Variants in GRIK1 observed in about 807,000 individuals in gnomAD.
The protein encoded by GRIK1 is glutamate receptor ionotropic, kainate 1.
In GRIK1, 69 loss-of-function variants were observed where a neutral mutation model predicts 105.7. That is an observed-to-expected ratio of 0.65 (90% CI 0.54 to 0.80). The LOEUF (loss-of-function observed/expected upper bound fraction) is 0.80. Among genes scored for constraint, GRIK1 ranks in the 30% least tolerant of loss-of-function variants. The pLI is 0.00. For synonymous variants in GRIK1, 438 were observed against 431.3 expected (o/e 1.02, Z -0.19); for missense variants, 1,109 against 1,167.3 (o/e 0.95, Z 0.73).
At chr21:29,791,396 G>C (rs540521559) in intron 1 of GRIK1, among the ~76,000 whole-genome samples, 2 of 152,174 alleles carry the variant, frequency 1.3e-5, no homozygotes, top group East Asian at 3.9e-4. Flanking sequence ...GAGTGGAGTC[G>C]TTCCTGTGGT....
intron 6 of GRIK1, among the ~76,000 whole-genome samples, chr21:29,644,956 G>T (rs75837882): frequency 6.6e-6 from 1 of 152,188 alleles, no homozygotes; most frequent in Non-Finnish European, 1.5e-5. Context: ...CCAAACTCAT[G>T]GGGGGACAGG....
At chr21:29,543,425 CT>C (rs1834659876) in intron 16 of GRIK1, among the ~76,000 whole-genome samples, 1 of 152,156 alleles carries the variant, frequency 6.6e-6, no homozygotes, top group African/African-American at 2.4e-5. Flanking sequence ...TCATCTCTCA[CT>C]AATTATGTGA....
intron 7 of GRIK1, among the ~76,000 whole-genome samples, chr21:29,623,473 G>A (rs1371455302): frequency 2.6e-5 from 4 of 151,810 alleles, no homozygotes; most frequent in Non-Finnish European, 5.9e-5. Flanking sequence ...ATAGGAAGCT[G>A]AATTTCAGGC....
At chr21:29,613,853 C>T (rs1311442193) in intron 7 of GRIK1, among the ~76,000 whole-genome samples, 3 of 152,118 alleles carry the variant, frequency 2.0e-5, no homozygotes. Flanking sequence ...TATTGGATCC[C>T]ATAACCCTAT....
intron 1 of GRIK1, among the ~76,000 whole-genome samples, chr21:29,819,070 T>A (rs1291075838): frequency 6.6e-6 from 1 of 152,130 alleles, no homozygotes; most frequent in South Asian, 2.1e-4. Flanking sequence ...TTAGGCCTCA[T>A]GTATGTACAT....
At chr21:29,904,890 C>T (rs1418361026) in intron 1 of GRIK1, among the ~76,000 whole-genome samples, 1 of 152,146 alleles carries the variant, frequency 6.6e-6, no homozygotes, top group Non-Finnish European at 1.5e-5. Context: ...CAAAATTCCT[C>T]CTGCCTCCCA....
intron 7 of GRIK1, among the ~76,000 whole-genome samples, chr21:29,607,289 A>G (rs950963276): frequency 6.6e-6 from 1 of 151,988 alleles, no homozygotes; most frequent in African/African-American, 2.4e-5. Flanking sequence ...GGAAATGACA[A>G]CCAACCTTTC....
rs56017389 is a variant in GRIK1, at chr21:29,712,083, TACACACACACACACAC to T, written c.119-18036_119-18021del. Among the ~76,000 whole-genome samples, 69 of 135,368 alleles carry T rather than the reference TACACACACACACACAC, an allele frequency of 5.1e-4. No homozygotes were observed. The East Asian group carries it at 0.014, about 27-fold the overall frequency. The allele number at this position is 135,368 out of a possible 152,430, so 88.8% of individuals were successfully genotyped here. ...GTATATAAGTATATGTATACATACATACACACACACACACACACACACACACACACACACACACACA... is the reference window on the plus strand; with the variant it reads ...GTATATAAGTATATGTATACATACATACACACACACACACACACACACACA... On this transcript the variant is annotated intron_variant, in intron 1 of 17. Transcript: ENST00000327783.
chr21:29,542,465 G>C (rs1259461769), intron 16 of GRIK1, among the ~76,000 whole-genome samples: 1 of 152,092 alleles, frequency 6.6e-6, no homozygotes, highest in East Asian at 1.9e-4. Flanking sequence ...AGTTCTATTT[G>C]TTTTGTACCT....
chr21:29,879,984 T>C (rs185275575), intron 1 of GRIK1, among the ~76,000 whole-genome samples: 4 of 152,292 alleles, frequency 2.6e-5, no homozygotes, highest in African/African-American at 7.2e-5. Flanking sequence ...ATGCAATTGT[T>C]ACAGTAATAG....
chr21:29,863,694 A>T (rs549555410), intron 1 of GRIK1, among the ~76,000 whole-genome samples: 1 of 152,148 alleles, frequency 6.6e-6, no homozygotes, highest in South Asian at 2.1e-4. Flanking sequence ...AAGATCAGCC[A>T]TGAGTATTTT....
rs528656556 is a variant in GRIK1, at chr21:29,604,969, C to G, written c.1099-6032G>C. Among the ~76,000 whole-genome samples the G allele has an allele frequency of 3.9e-5, 6 of 152,298 alleles. No homozygotes were observed. In the East Asian group the frequency reaches 1.2e-3, roughly 29 times the overall value. On this transcript the variant is annotated intron_variant, in intron 7 of 17. Coordinates refer to ENST00000327783, the MANE Select transcript of GRIK1 (RefSeq NM_001330994.2). ...AGGGAAGTAAGGGGCTAGCACCTAA[C>G]TCTGGGCTCTTATGATAATCAACTC...
intron 14 of GRIK1, among the ~76,000 whole-genome samples, chr21:29,566,296 T>G (rs1232499411): frequency 1.3e-5 from 2 of 152,216 alleles, no homozygotes. Flanking sequence ...CAAAAGTTAA[T>G]TAGAATATTT....
chr21:29,598,890 A>C lies in GRIK1; in HGVS notation c.1146T>G (p.Asn382Lys). The C allele has an allele frequency of 6.2e-7, 1 of 1,600,196 alleles. No homozygotes were observed. Among genetic ancestry groups the C allele is most frequent in the Admixed American group, 1.7e-5 (1 of 58,834 alleles). ...LTGHITFNKT[N>K]GLRKDFDLDI... Reference sequence around the variant, plus strand: ...CCAGATCAAAATCCTTCCTCAAGCCATTGGTTTTATTAAAGGTGATATGCC... The same window carrying C: ...CCAGATCAAAATCCTTCCTCAAGCCCTTGGTTTTATTAAAGGTGATATGCC... Residue 382 changes from asparagine to lysine, a missense_variant, in exon 8 of 18, where the codon AAT becomes AAG. Asn to Lys is a moderately conservative substitution (Grantham distance 94). Coordinates refer to ENST00000327783, the MANE Select transcript of GRIK1 (RefSeq NM_001330994.2).
intron 1 of GRIK1, among the ~76,000 whole-genome samples, chr21:29,704,587 T>C (rs1326203670): frequency 2.0e-5 from 3 of 152,224 alleles, no homozygotes; most frequent in Non-Finnish European, 2.9e-5. Flanking sequence ...CAGTTGAACT[T>C]ACTCTCCTTC....
At chr21:29,718,037 G>A (rs909615422) in intron 1 of GRIK1, among the ~76,000 whole-genome samples, 1 of 152,050 alleles carries the variant, frequency 6.6e-6, no homozygotes, top group African/African-American at 2.4e-5. Flanking sequence ...CCTTTGCTTG[G>A]TACTTCTCCT....
chr21:29,869,103 T>C (rs1470059933), intron 1 of GRIK1, among the ~76,000 whole-genome samples: 1 of 152,274 alleles, frequency 6.6e-6, no homozygotes, highest in Non-Finnish European at 1.5e-5. Flanking sequence ...GGGAAAATTC[T>C]GGAAGCTATA....
intron 13 of GRIK1, among the ~76,000 whole-genome samples, chr21:29,580,344 T>C (rs2091000789): frequency 6.6e-6 from 1 of 151,976 alleles, no homozygotes; most frequent in African/African-American, 2.4e-5. Context: ...GCTCTAAATT[T>C]ATGCAAATTA....
intron 4 of GRIK1, among the ~76,000 whole-genome samples, chr21:29,663,752 C>T (rs933816115): frequency 6.6e-6 from 1 of 151,988 alleles, no homozygotes. Context: ...AGAAATGTGT[C>T]CTTTATTCTT....
Sources: allele counts gnomAD v4.1 joint callset (sites outside exome capture counted in the v4.1 genomes callset), GRCh38; gene constraint gnomAD v4.1.1; transcripts MANE v1.5; gene names NCBI Gene and HGNC (gene_info 2026-07-23, HGNC 2026-07-21).